The following METAP1 variants were observed in gnomAD, a reference collection of about 807,000 sequenced individuals.
METAP1 encodes the protein methionyl aminopeptidase 1.
METAP1 carries 28 observed loss-of-function variants against 53.8 expected under a neutral mutation model. The observed-to-expected ratio is 0.52, with a 90% CI of 0.39 to 0.71. METAP1 has a LOEUF of 0.71. Ranked by LOEUF, METAP1 falls within the 30% of genes least tolerant of loss-of-function variation. The probability of loss-of-function intolerance (pLI) is 0.00; values close to 1 mark genes in which losing one functional copy is unlikely to be tolerated. For synonymous variants in METAP1, 181 were observed against 165.7 expected (o/e 1.09, Z -0.71); for missense variants, 389 against 479.8 (o/e 0.81, Z 1.77).
At chr4:99,055,199 T>A (rs1033785652) in intron 9 of METAP1, among the ~76,000 whole-genome samples, 1 of 152,104 alleles carries the variant, frequency 6.6e-6, no homozygotes, top group African/African-American at 2.4e-5. Context: ...TAGACCAGCC[T>A]GGCCAAAATG....
intron 1 of METAP1, among the ~76,000 whole-genome samples, chr4:99,027,544 AC>A (rs35716602): frequency 0.29 from 40,063 of 136,808 alleles, 7,216 homozygotes; most frequent in East Asian, 0.8. Context: ...ACAAGAGGTC[AC>A]CCCCCCCCCG....
At chr4:99,011,406 T>C (rs80250946) in intron 1 of METAP1, among the ~76,000 whole-genome samples, 2,078 of 152,344 alleles carry the variant, frequency 0.014, 42 homozygotes, top group African/African-American at 0.047. Context: ...TCTGAATCAA[T>C]TGAGATGATT....
chr4:99,028,442 G>GT (rs1724741433), intron 1 of METAP1, among the ~76,000 whole-genome samples: 1 of 152,020 alleles, frequency 6.6e-6, no homozygotes, highest in Admixed American at 6.6e-5. Flanking sequence ...GTGTCACATA[G>GT]TAACTACTTA....
At chr4:99,053,983 T>C (rs1267738253) in intron 9 of METAP1, among the ~76,000 whole-genome samples, 2 of 147,816 alleles carry the variant, frequency 1.4e-5, no homozygotes, top group African/African-American at 2.7e-5. Context: ...TTGTTCTGTT[T>C]CTAGAGCACA....
At chr4:98,996,376 A>G (rs1379928973) in intron 1 of METAP1, among the ~76,000 whole-genome samples, 2 of 152,164 alleles carry the variant, frequency 1.3e-5, no homozygotes, top group East Asian at 3.9e-4. Context: ...GCTCTGAGAG[A>G]TGGGTGGCCC....
At chr4:99,015,547 C>T (rs914393202) in intron 1 of METAP1, among the ~76,000 whole-genome samples, 1 of 152,208 alleles carries the variant, frequency 6.6e-6, no homozygotes, top group Admixed American at 6.5e-5. Context: ...GTACAAACCC[C>T]TCCTGTAGAG....
intron 1 of METAP1, chr4:99,026,329 T>C (rs1724554827): frequency 2.0e-6 from 2 of 985,364 alleles, no homozygotes; most frequent in Middle Eastern, 1.0e-3. Context: ...GAGAATAAAG[T>C]AGTAAAACAA....
chr4:99,025,255 G>T, intron 1 of METAP1: 2 of 521,636 alleles, frequency 3.8e-6, no homozygotes, highest in Non-Finnish European at 4.9e-6. Flanking sequence ...GAACAAGTTT[G>T]GCCTATGCCT....
At chr4:99,005,300 A>G (rs1723123273) in intron 1 of METAP1, among the ~76,000 whole-genome samples, 1 of 152,204 alleles carries the variant, frequency 6.6e-6, no homozygotes. Context: ...AAAAAAATCA[A>G]ATAATCTCAT....
At position 99,018,084 on chromosome 4, in the gene METAP1, A is replaced by G. The variant is rs182793576; in HGVS notation, c.115-10783A>G. 4.4e-3 allele frequency among the ~76,000 whole-genome samples: 670 copies of G among 152,374 alleles called. 3 individuals carry two copies. Among genetic ancestry groups the G allele is most frequent in the Non-Finnish European group, 6.1e-3 (417 of 68,038 alleles). Reference sequence around the variant, plus strand: ...TTTTTAGTTAATTTCTCATAAAGCAATTTACTTCTTAATGCATAAGAATCA... The same window carrying G: ...TTTTTAGTTAATTTCTCATAAAGCAGTTTACTTCTTAATGCATAAGAATCA... On this transcript the variant is annotated intron_variant, in intron 1 of 10. Coordinates refer to ENST00000296411, the MANE Select transcript of METAP1 (RefSeq NM_015143.3).
At chr4:99,049,763 A>G (rs547091185) in intron 9 of METAP1, among the ~76,000 whole-genome samples, 39 of 152,318 alleles carry the variant, frequency 2.6e-4, no homozygotes, top group African/African-American at 9.4e-4. Context: ...ATAGTAGGGA[A>G]TGGTACTTAC....
chr4:99,048,300 C>T (rs546080798), intron 8 of METAP1, among the ~76,000 whole-genome samples: 1 of 152,244 alleles, frequency 6.6e-6, no homozygotes, highest in African/African-American at 2.4e-5. Flanking sequence ...CTCTGTGCCT[C>T]ATCTGTAAGT....
chr4:99,032,659 G>A lies in METAP1; in HGVS notation c.167-1571G>A, dbSNP rs57645502. Among the ~76,000 whole-genome samples, 3,069 of 152,250 alleles carry A rather than the reference G, an allele frequency of 0.02. 641 individuals carry two copies. The East Asian group carries it at 0.49, about 24-fold the overall frequency. Reference sequence around the variant, plus strand: ...AAGTATGCTAGTGCAAAAAGCCTGCGTCTTGATTGCTTTTCTCTCCTAGGT... The same window carrying A: ...AAGTATGCTAGTGCAAAAAGCCTGCATCTTGATTGCTTTTCTCTCCTAGGT... On this transcript the variant is annotated intron_variant, in intron 2 of 10. Transcript: ENST00000296411.
At chr4:99,056,146 C>T (rs1395555383) in intron 9 of METAP1, among the ~76,000 whole-genome samples, 2 of 152,084 alleles carry the variant, frequency 1.3e-5, no homozygotes, top group African/African-American at 4.8e-5. Context: ...CCTCAAAGGG[C>T]GGGCAAATTT....
At chr4:99,059,898 A>G (rs1393998802) in intron 10 of METAP1, among the ~76,000 whole-genome samples, 1 of 152,134 alleles carries the variant, frequency 6.6e-6, no homozygotes, top group Non-Finnish European at 1.5e-5. Flanking sequence ...TTCCAGGGGT[A>G]TAGTTCACAA....
chr4:99,027,644 C>A (rs1268328464), intron 1 of METAP1, among the ~76,000 whole-genome samples: 4 of 151,124 alleles, frequency 2.6e-5, no homozygotes, highest in Non-Finnish European at 5.9e-5. Context: ...TGCCATTATT[C>A]TGCTTACCAG....
chr4:99,008,685 G>A (rs920093105), intron 1 of METAP1, among the ~76,000 whole-genome samples: 13 of 152,202 alleles, frequency 8.5e-5, no homozygotes, highest in Admixed American at 8.5e-4. Flanking sequence ...TCTGTAAAAT[G>A]AGATATCTGT....
chr4:98,998,330 C>T (rs1387530013), intron 1 of METAP1, among the ~76,000 whole-genome samples: 1 of 152,138 alleles, frequency 6.6e-6, no homozygotes, highest in African/African-American at 2.4e-5. Flanking sequence ...TGAGACCAGA[C>T]TGGGCAACAT....
intron 9 of METAP1, among the ~76,000 whole-genome samples, chr4:99,051,900 T>C (rs1726742885): frequency 6.6e-6 from 1 of 152,188 alleles, no homozygotes; most frequent in Non-Finnish European, 1.5e-5. Context: ...CCTCCACTCC[T>C]TCTATGTAGG....
Sources: allele counts gnomAD v4.1 joint callset (sites outside exome capture counted in the v4.1 genomes callset), GRCh38; gene constraint gnomAD v4.1.1; transcripts MANE v1.5; gene names NCBI Gene and HGNC (gene_info 2026-07-23, HGNC 2026-07-21).